Variants in RAI14 observed in about 807,000 individuals in gnomAD.
RAI14 encodes the protein retinoic acid induced 14.
A neutral mutation model predicts 115.4 loss-of-function variants in RAI14; 45 were observed. The ratio of observed to expected loss-of-function variants is 0.39; its 90% CI spans 0.31 to 0.50. The LOEUF is 0.50. Ranked by LOEUF, RAI14 falls within the 20% of genes least tolerant of loss-of-function variation. The pLI, the probability that RAI14 is intolerant of heterozygous loss-of-function variation, is 0.85. For missense variants in RAI14, 939 were observed against 1,131.2 expected, an observed-to-expected ratio of 0.83 and a Z score of 2.44; for synonymous variants, 371 against 415.4, an observed-to-expected ratio of 0.89 and a Z score of 1.30.
Position 34,671,270 on chromosome 5 carries a change from G to A in RAI14, c.-49+14795G>A, listed in dbSNP as rs185921330. ...CTTTCATAGCAGACATCGTCTTCTCGGCAGCAGGATAATAGTTGAGTTTGC... is the reference window on the plus strand; with the variant it reads ...CTTTCATAGCAGACATCGTCTTCTCAGCAGCAGGATAATAGTTGAGTTTGC... On this transcript the variant is annotated intron_variant, in intron 1 of 17. Coordinates refer to ENST00000265109, the MANE Select transcript of RAI14 (RefSeq NM_015577.3). 2.0e-4 allele frequency among the ~76,000 whole-genome samples: 30 copies of A among 152,184 alleles called. No homozygotes were observed. The East Asian group carries it at 4.1e-3, about 21-fold the overall frequency.
chr5:34,814,336 G>T (rs931462921), intron 11 of RAI14, among the ~76,000 whole-genome samples: 5 of 152,122 alleles, frequency 3.3e-5, no homozygotes, highest in Non-Finnish European at 5.9e-5. Flanking sequence ...ACCTGCAATA[G>T]AAGTTTTATA....
rs529718953 is a variant in RAI14, at chr5:34,697,342, A to C, written c.36+10387A>C. 5.9e-5 allele frequency among the ~76,000 whole-genome samples: 9 copies of C among 151,744 alleles called. No individual in the cohort carries two copies. The South Asian group carries it at 1.3e-3, about 21-fold the overall frequency. On this transcript the variant is annotated intron_variant, in intron 2 of 17. Coordinates refer to ENST00000265109, the MANE Select transcript of RAI14 (RefSeq NM_015577.3). Reference sequence around the variant, plus strand: ...TCCCAGCTACTCAGGGGGCTGAGGCAGGAGAATTGCTTGAACCCGGGAGGC... The same window carrying C: ...TCCCAGCTACTCAGGGGGCTGAGGCCGGAGAATTGCTTGAACCCGGGAGGC...
At chr5:34,769,764 A>T (rs991921537) in intron 3 of RAI14, among the ~76,000 whole-genome samples, 1 of 152,166 alleles carries the variant, frequency 6.6e-6, no homozygotes, top group African/African-American at 2.4e-5. Context: ...CTCACTCGGT[A>T]GCCCAGGCTG....
At chr5:34,743,144 T>C (rs1204264136) in intron 2 of RAI14, among the ~76,000 whole-genome samples, 1 of 152,214 alleles carries the variant, frequency 6.6e-6, no homozygotes, top group Non-Finnish European at 1.5e-5. Flanking sequence ...CGCATCAGTT[T>C]CTTAGGGCTG....
chr5:34,711,396 C>T (rs1741384201), intron 2 of RAI14, among the ~76,000 whole-genome samples: 1 of 152,138 alleles, frequency 6.6e-6, no homozygotes, highest in African/African-American at 2.4e-5. Context: ...AAAGAACATT[C>T]TTAAGGGTGG....
chr5:34,807,879 G>C (rs1450577846), intron 6 of RAI14, 22 bp downstream of exon 6: 1 of 1,588,864 alleles, frequency 6.3e-7, no homozygotes, highest in African/African-American at 1.3e-5. Context: ...TCTCCTATTT[G>C]TCTTCTTCTG....
intron 2 of RAI14, among the ~76,000 whole-genome samples, chr5:34,744,118 T>C (rs1019426725): frequency 4.6e-5 from 7 of 152,234 alleles, no homozygotes; most frequent in Non-Finnish European, 1.0e-4. Context: ...CTCAGACACA[T>C]GCCAGGAATA....
chr5:34,762,773 G>T (rs2150108465), intron 3 of RAI14, among the ~76,000 whole-genome samples: 1 of 152,216 alleles, frequency 6.6e-6, no homozygotes, highest in African/African-American at 2.4e-5. Flanking sequence ...GAGTCTAATT[G>T]TTTCAAGATG....
At chr5:34,712,716 G>A (rs964852001) in intron 2 of RAI14, among the ~76,000 whole-genome samples, 1 of 152,164 alleles carries the variant, frequency 6.6e-6, no homozygotes, top group Non-Finnish European at 1.5e-5. Flanking sequence ...ATTAACAGGT[G>A]TCATAAGCAA....
chr5:34,762,972 TG>T (rs1748877651), intron 3 of RAI14, among the ~76,000 whole-genome samples: 6 of 135,168 alleles, frequency 4.4e-5, no homozygotes, highest in African/African-American at 1.8e-4. Context: ...TGTGTGTGTG[TG>T]TGTATGTGTC....
At chr5:34,800,283 G>A (rs1198036878) in intron 4 of RAI14, among the ~76,000 whole-genome samples, 1 of 152,156 alleles carries the variant, frequency 6.6e-6, no homozygotes, top group Non-Finnish European at 1.5e-5. Flanking sequence ...AAGTAAAAGG[G>A]TTCTTAGACT....
chr5:34,722,625 C>T (rs1440047306), intron 2 of RAI14, among the ~76,000 whole-genome samples: 3 of 152,164 alleles, frequency 2.0e-5, no homozygotes, highest in East Asian at 3.9e-4. Context: ...GCGGGCAGAT[C>T]ATTGGAGGTC....
chr5:34,656,848 A>ATT (rs1742305918), intron 1 of RAI14: 1 of 152,256 alleles, frequency 6.6e-6, no homozygotes. Context: ...AGACCCGGAG[A>ATT]TGCACCCTGG....
intron 1 of RAI14, among the ~76,000 whole-genome samples, chr5:34,676,917 C>T (rs1456324594): frequency 6.6e-6 from 1 of 152,148 alleles, no homozygotes; most frequent in Non-Finnish European, 1.5e-5. Flanking sequence ...GCCAAGATGA[C>T]ATTATTGTTA....
chr5:34,815,849 G>C (rs1277110612), intron 12 of RAI14, among the ~76,000 whole-genome samples: 1 of 152,088 alleles, frequency 6.6e-6, no homozygotes, highest in East Asian at 1.9e-4. Context: ...TAGCTCCATG[G>C]CCTTTTCACA....
intron 3 of RAI14, 129 bp from the exon 4 acceptor site, chr5:34,795,810 G>T (rs1753443968): frequency 1.6e-6 from 1 of 607,422 alleles, no homozygotes; most frequent in South Asian, 2.3e-5. Context: ...TGCCTAGTCA[G>T]TGGGTGCTTG....
chr5:34,663,434 T>C (rs1742854329), intron 1 of RAI14, among the ~76,000 whole-genome samples: 1 of 152,132 alleles, frequency 6.6e-6, no homozygotes, highest in African/African-American at 2.4e-5. Context: ...GAGGATCACC[T>C]CAACCCATGA....
chr5:34,696,436 G>A (rs541307359), intron 2 of RAI14, among the ~76,000 whole-genome samples: 7 of 152,016 alleles, frequency 4.6e-5, no homozygotes, highest in African/African-American at 1.4e-4. Context: ...ACGCCCGGCC[G>A]CATTTTACTT....
chr5:34,719,801 G>C (rs1363934087), intron 2 of RAI14, among the ~76,000 whole-genome samples: 10 of 152,168 alleles, frequency 6.6e-5, no homozygotes, highest in Admixed American at 6.5e-4. Context: ...TAATATCAAG[G>C]TGTAAGACGC....
Sources: gnomAD v4.1 joint callset for allele counts (sites outside exome capture counted in the v4.1 genomes callset) on GRCh38, gnomAD v4.1.1 for gene constraint, MANE v1.5 for transcripts, NCBI Gene and HGNC (gene_info 2026-07-23, HGNC 2026-07-21) for gene names.